Variants in PRKN observed in about 807,000 individuals in gnomAD.
PRKN encodes the protein E3 ubiquitin-protein ligase parkin.
PRKN carries 56 observed loss-of-function variants against 59.5 expected under a neutral mutation model. That is an observed-to-expected ratio of 0.94 (90% CI 0.76 to 1.18). The LOEUF (loss-of-function observed/expected upper bound fraction) is 1.18, where lower values mean the gene tolerates loss of function less well. Ranked by LOEUF, PRKN falls within the 50% of genes most tolerant of loss-of-function variation. The probability of loss-of-function intolerance (pLI) is 0.00; values close to 1 mark genes in which losing one functional copy is unlikely to be tolerated. For synonymous variants in PRKN, 250 were observed against 222.1 expected (o/e 1.13, Z -1.12); for missense variants, 657 against 596.4 (o/e 1.10, Z -1.06).
At chr6:162,110,394 T>C (rs1780377327) in intron 4 of PRKN, among the ~76,000 whole-genome samples, 2 of 152,348 alleles carry the variant, frequency 1.3e-5, no homozygotes, top group South Asian at 2.1e-4. Context: ...CTGGAACTTC[T>C]GTGCCAAAAA....
chr6:161,691,089 C>T (rs1785775365), intron 7 of PRKN, among the ~76,000 whole-genome samples: 1 of 150,534 alleles, frequency 6.6e-6, no homozygotes, highest in Non-Finnish European at 1.5e-5. Context: ...CACCCCTATC[C>T]TATTCCTATC....
intron 2 of PRKN, among the ~76,000 whole-genome samples, chr6:162,414,440 G>A (rs937751257): frequency 4.6e-5 from 7 of 151,910 alleles, no homozygotes; most frequent in Non-Finnish European, 8.8e-5. Context: ...GGGCGTGGTG[G>A]CTCACACCTG....
At chr6:161,949,534 C>T (rs1779908460) in intron 6 of PRKN, among the ~76,000 whole-genome samples, 1 of 146,934 alleles carries the variant, frequency 6.8e-6, no homozygotes, top group South Asian at 2.1e-4. Context: ...CAAACAAACA[C>T]TCCAATGACT....
At chr6:162,362,945 G>A (rs999811004) in intron 2 of PRKN, among the ~76,000 whole-genome samples, 2 of 151,540 alleles carry the variant, frequency 1.3e-5, no homozygotes, top group South Asian at 2.1e-4. Flanking sequence ...TGACTAACAC[G>A]GTGAAATCCT....
In PRKN at chr6:161,563,375, T is replaced by C. The variant is rs557113387; in HGVS notation, c.933+5980A>G. Among the ~76,000 whole-genome samples the C allele has an allele frequency of 1.8e-4, 27 of 152,300 alleles. No individual in the cohort carries two copies. The South Asian group carries it at 5.6e-3, about 32-fold the overall frequency. On this transcript the variant is annotated intron_variant, in intron 8 of 11. Coordinates refer to ENST00000366898, the MANE Select transcript of PRKN (RefSeq NM_004562.3). ...TTAAACCTAAGGTGGAGGAAGCTGG[T>C]ATAAATGGAGGTACTTCTGAAATGC...
chr6:161,453,127 G>A (rs561447811), intron 9 of PRKN, among the ~76,000 whole-genome samples: 21 of 152,174 alleles, frequency 1.4e-4, no homozygotes, highest in Middle Eastern at 3.4e-3. Flanking sequence ...CAATCTATTT[G>A]ATGAAAGTTT....
intron 4 of PRKN, among the ~76,000 whole-genome samples, chr6:162,139,877 C>A (rs112480219): frequency 2.8e-5 from 4 of 141,688 alleles, no homozygotes; most frequent in Admixed American, 7.2e-5. Flanking sequence ...CCTGACAGAG[C>A]GAGACTCCAT....
chr6:161,721,014 A>C (rs1489915717), intron 7 of PRKN, among the ~76,000 whole-genome samples: 1 of 152,188 alleles, frequency 6.6e-6, no homozygotes, highest in South Asian at 2.1e-4. Flanking sequence ...ATCATGGAAA[A>C]ACTTTCCCAA....
chr6:161,351,569 C>T (rs751458184), intron 11 of PRKN, among the ~76,000 whole-genome samples: 1 of 152,178 alleles, frequency 6.6e-6, no homozygotes, highest in Non-Finnish European at 1.5e-5. Context: ...AAGTCATCCT[C>T]CCGCCTCGGC....
chr6:162,328,103 G>A (rs1177384472), intron 2 of PRKN, among the ~76,000 whole-genome samples: 4 of 152,202 alleles, frequency 2.6e-5, no homozygotes, highest in African/African-American at 9.7e-5. Flanking sequence ...GCTGACGCGT[G>A]GAATCCCAGC....
chr6:162,214,060 T>A (rs1777529606), intron 3 of PRKN, among the ~76,000 whole-genome samples: 1 of 151,832 alleles, frequency 6.6e-6, no homozygotes, highest in Non-Finnish European at 1.5e-5. Flanking sequence ...CCCAGACACA[T>A]CCCCTATCTC....
At chr6:162,532,654 C>T (rs150920655) in intron 1 of PRKN, among the ~76,000 whole-genome samples, 259 of 152,304 alleles carry the variant, frequency 1.7e-3, no homozygotes, top group African/African-American at 6.0e-3. Flanking sequence ...ATGTAAACCA[C>T]TTGTGATAAA....
intron 7 of PRKN, among the ~76,000 whole-genome samples, chr6:161,763,634 T>C (rs1304006174): frequency 1.3e-5 from 2 of 152,082 alleles, no homozygotes; most frequent in African/African-American, 4.8e-5. Context: ...TGAGGCACAT[T>C]CAGCAAGGGT....
In PRKN at chr6:162,123,453, T is replaced by A. The variant is rs12663541; in HGVS notation, c.535-69279A>T. On this transcript the variant is annotated intron_variant, in intron 4 of 11. Coordinates refer to ENST00000366898, the MANE Select transcript of PRKN (RefSeq NM_004562.3). ...TACAGTGTAAATATAGGTATGTATATGGTAACTAATATTTCATTTCTTCTT... is the reference window on the plus strand; with the variant it reads ...TACAGTGTAAATATAGGTATGTATAAGGTAACTAATATTTCATTTCTTCTT... Among the ~76,000 whole-genome samples the A allele has an allele frequency of 2.6e-5, 4 of 152,236 alleles. No homozygotes were observed. The East Asian group carries it at 7.7e-4, about 29-fold the overall frequency.
At chr6:161,984,087 C>T (rs73026573) in intron 5 of PRKN, among the ~76,000 whole-genome samples, 20,105 of 151,852 alleles carry the variant, frequency 0.13, 1,413 homozygotes, top group South Asian at 0.23. Flanking sequence ...CTGGCCTCAG[C>T]GGTCAGAGTA....
At chr6:161,863,849 C>T (rs1794004138) in intron 6 of PRKN, among the ~76,000 whole-genome samples, 1 of 152,088 alleles carries the variant, frequency 6.6e-6, no homozygotes, top group Non-Finnish European at 1.5e-5. Flanking sequence ...TTTTGGTTTC[C>T]CAGTGCATAT....
intron 9 of PRKN, among the ~76,000 whole-genome samples, chr6:161,441,455 G>T (rs1233487418): frequency 6.6e-6 from 1 of 151,886 alleles, no homozygotes; most frequent in Non-Finnish European, 1.5e-5. Context: ...AACCAGCCTG[G>T]CCAACGTGGT....
rs1786820777 is a variant in PRKN, at chr6:161,397,570, C to T, written c.1084-10693G>A. Among the ~76,000 whole-genome samples the T allele has an allele frequency of 6.6e-6, 1 of 152,162 alleles. No individual in the cohort carries two copies. Among genetic ancestry groups the T allele is most frequent in the Non-Finnish European group, 1.5e-5 (1 of 68,034 alleles). ...ACTCCTCTTTTAAGATGCACTTTGC[C>T]TATTGCATATTTCCATTTGGATAGG... On this transcript the variant is annotated intron_variant, in intron 9 of 11. Transcript: ENST00000366898. The surrounding 1 kb of genome is among the most constrained non-coding windows in gnomAD (Gnocchi z 4.2).
chr6:161,863,112 C>G (rs9295173), intron 6 of PRKN, among the ~76,000 whole-genome samples: 73,227 of 151,924 alleles, frequency 0.48, 17,909 homozygotes, highest in African/African-American at 0.54. Context: ...GAGATTACAA[C>G]GTGAAAACTG....
Sources: gnomAD v4.1 joint callset for allele counts (sites outside exome capture counted in the v4.1 genomes callset) on GRCh38, gnomAD v4.1.1 for gene constraint, Gnocchi (gnomAD v3.1) non-coding constraint, MANE v1.5 for transcripts, NCBI Gene and HGNC (gene_info 2026-07-23, HGNC 2026-07-21) for gene names.